The following ERC2 variants were observed in gnomAD, a reference collection of about 807,000 sequenced individuals.
ERC2 encodes the protein ELKS/RAB6-interacting/CAST family member 2.
A neutral mutation model predicts 114.8 loss-of-function variants in ERC2; 42 were observed. The ratio of observed to expected loss-of-function variants is 0.37; its 90% CI spans 0.29 to 0.47. ERC2 has a LOEUF of 0.47. Among genes scored for constraint, ERC2 ranks in the 20% least tolerant of loss-of-function variants. The pLI, the probability that ERC2 is intolerant of heterozygous loss-of-function variation, is 0.99. For synonymous variants in ERC2, 454 were observed against 425.5 expected (o/e 1.07, Z -0.82); for missense variants, 939 against 1,150.7 (o/e 0.82, Z 2.66).
At chr3:55,903,677 C>T (rs946292645) in intron 13 of ERC2, among the ~76,000 whole-genome samples, 2 of 152,194 alleles carry the variant, frequency 1.3e-5, no homozygotes, top group African/African-American at 4.8e-5. Flanking sequence ...CTTAAAGGCA[C>T]CTCTATCTGG....
At chr3:56,307,997 C>G (rs2150385682) in intron 2 of ERC2, among the ~76,000 whole-genome samples, 1 of 152,280 alleles carries the variant, frequency 6.6e-6, no homozygotes, top group East Asian at 1.9e-4. Flanking sequence ...TTCCATTCCT[C>G]TTTGCTTAGC....
At chr3:56,061,531 T>A (rs1370935284) in intron 7 of ERC2, among the ~76,000 whole-genome samples, 3 of 152,290 alleles carry the variant, frequency 2.0e-5, no homozygotes, top group Middle Eastern at 3.4e-3. Context: ...AGGAAGGGAC[T>A]TTAAAAGATG....
At chr3:56,406,773 C>T (rs1255025928) in intron 2 of ERC2, among the ~76,000 whole-genome samples, 1 of 152,156 alleles carries the variant, frequency 6.6e-6, no homozygotes, top group Non-Finnish European at 1.5e-5. Context: ...AAATCAAACT[C>T]AATCTCAATA....
chr3:56,055,203 T>G (rs2075959148), intron 7 of ERC2, among the ~76,000 whole-genome samples: 3 of 152,190 alleles, frequency 2.0e-5, no homozygotes, highest in Non-Finnish European at 4.4e-5. Flanking sequence ...CCATACAGCT[T>G]TTGTGCTGTA....
intron 17 of ERC2, among the ~76,000 whole-genome samples, chr3:55,539,411 C>CTTT (rs1559619170): frequency 6.1e-5 from 3 of 49,066 alleles, no homozygotes; most frequent in African/African-American, 1.8e-4. Flanking sequence ...CTCTTTTTTT[C>CTTT]TTTCTTTTTT....
At chr3:55,603,370 C>CA (rs369281123) in intron 17 of ERC2, among the ~76,000 whole-genome samples, 4 of 152,174 alleles carry the variant, frequency 2.6e-5, no homozygotes, top group African/African-American at 9.6e-5. Flanking sequence ...CGGTGGCTCA[C>CA]GCCTGTAATC....
At chr3:56,173,346 A>G (rs2082784833) in intron 4 of ERC2, 100 bp downstream of exon 4, 1 of 1,162,316 alleles carries the variant, frequency 8.6e-7, no homozygotes, top group East Asian at 2.4e-5. Context: ...GGGTGCCTAG[A>G]GAAAAACACA....
rs554934366 is a variant in ERC2 at position 56,300,742 on chromosome 3, C to G, written c.658-4307G>C. ...ATGGGGACAAAAAGTACTTAAGTAA[C>G]CTGCTCCCAGTCACCCACCTACGTA... On this transcript the variant is annotated intron_variant, in intron 2 of 17. Transcript: ENST00000288221. 3.9e-5 allele frequency among the ~76,000 whole-genome samples: 6 copies of G among 152,300 alleles called. 1 individual carries two copies. Among genetic ancestry groups the G allele is most frequent in the African/African-American group, 1.4e-4 (6 of 41,566 alleles).
At chr3:56,263,027 A>G (rs150877786) in intron 3 of ERC2, among the ~76,000 whole-genome samples, 208 of 152,364 alleles carry the variant, frequency 1.4e-3, no homozygotes, top group Middle Eastern at 3.4e-3. Flanking sequence ...CAAAGCAAAT[A>G]TAATACTAGC....
intron 2 of ERC2, among the ~76,000 whole-genome samples, chr3:56,337,156 G>A (rs1274400921): frequency 6.6e-6 from 1 of 152,078 alleles, no homozygotes; most frequent in Non-Finnish European, 1.5e-5. Flanking sequence ...CTTAATAAAC[G>A]CTTCAAGCTC....
intron 17 of ERC2, among the ~76,000 whole-genome samples, chr3:55,679,384 A>T (rs1229274634): frequency 3.9e-5 from 6 of 152,160 alleles, no homozygotes; most frequent in Non-Finnish European, 8.8e-5. Context: ...CTTGCTGAAC[A>T]TCCTTCCTTA....
At chr3:55,915,599 C>A (rs2065047620) in intron 13 of ERC2, among the ~76,000 whole-genome samples, 1 of 152,100 alleles carries the variant, frequency 6.6e-6, no homozygotes, top group Non-Finnish European at 1.5e-5. Flanking sequence ...TGGGGATGTA[C>A]AATAACATCC....
chr3:56,192,475 C>A (rs1324805149), intron 3 of ERC2, among the ~76,000 whole-genome samples: 2 of 152,154 alleles, frequency 1.3e-5, no homozygotes, highest in African/African-American at 2.4e-5. Flanking sequence ...AAGTTTAAAG[C>A]AAGCCTTACA....
chr3:56,279,712 G>C (rs1307663123), intron 3 of ERC2, among the ~76,000 whole-genome samples: 2 of 152,200 alleles, frequency 1.3e-5, no homozygotes, highest in Non-Finnish European at 2.9e-5. Context: ...ATTTTTCTAA[G>C]ATGATCCTGA....
chr3:55,615,488 G>A (rs2059086044), intron 17 of ERC2, among the ~76,000 whole-genome samples: 1 of 152,156 alleles, frequency 6.6e-6, no homozygotes, highest in East Asian at 1.9e-4. Context: ...TCCAGGGAGA[G>A]CAAATGGGAT....
chr3:55,557,613 A>G (rs574677714), intron 17 of ERC2, among the ~76,000 whole-genome samples: 80 of 152,352 alleles, frequency 5.3e-4, no homozygotes, highest in Middle Eastern at 6.8e-3. Context: ...GGCACTCTCC[A>G]AAGTCTGCTT....
At chr3:55,879,830 G>C (rs1319917098) in intron 14 of ERC2, among the ~76,000 whole-genome samples, 1 of 152,074 alleles carries the variant, frequency 6.6e-6, no homozygotes, top group Non-Finnish European at 1.5e-5. Flanking sequence ...TCCCTGCTTG[G>C]TCTTGAAGCT....
chr3:56,040,567 GTA>G (rs374692774), intron 7 of ERC2, among the ~76,000 whole-genome samples: 1 of 536 alleles, frequency 1.9e-3, no homozygotes, highest in Non-Finnish European at 6.1e-3. Context: ...ATATAGAGAT[GTA>G]TATATGTATA....
At chr3:55,866,611 G>A (rs1484718313) in intron 14 of ERC2, among the ~76,000 whole-genome samples, 1 of 151,734 alleles carries the variant, frequency 6.6e-6, no homozygotes, top group Non-Finnish European at 1.5e-5. Flanking sequence ...TTACATTTAG[G>A]TCTATGATCC....
Sources: allele counts gnomAD v4.1 joint callset (sites outside exome capture counted in the v4.1 genomes callset), GRCh38; gene constraint gnomAD v4.1.1; transcripts MANE v1.5; gene names NCBI Gene and HGNC (gene_info 2026-07-23, HGNC 2026-07-21).